Variants in RORA observed in about 807,000 individuals in gnomAD.
The protein encoded by RORA is nuclear receptor ROR-alpha.
Under a neutral mutation model 69.5 loss-of-function variants are expected in RORA, and 7 were observed. That is an observed-to-expected ratio of 0.10 (90% CI 0.06 to 0.19). The LOEUF is 0.19. Ranked by LOEUF, RORA falls within the 10% of genes least tolerant of loss-of-function variation. The pLI, the probability that RORA is intolerant of heterozygous loss-of-function variation, is 1.00. For missense variants in RORA, 457 were observed against 663.0 expected, an observed-to-expected ratio of 0.69 and a Z score of 3.41; for synonymous variants, 261 against 240.8, an observed-to-expected ratio of 1.08 and a Z score of -0.78.
In RORA at chr15:60,850,873, A is replaced by G. The variant is rs542959790; in HGVS notation, c.167-172187T>C. On this transcript the variant is annotated intron_variant, in intron 1 of 10. Coordinates refer to ENST00000335670, the MANE Select transcript of RORA (RefSeq NM_134261.3). ...TTCAATGAAAGACAAGGATAAGGCC[A>G]TTACGTGAACACAGGGACAACAACG... Among the ~76,000 whole-genome samples the G allele has an allele frequency of 3.3e-5, 5 of 152,358 alleles. No individual in the cohort carries two copies. In the South Asian group the frequency reaches 1.0e-3, roughly 32 times the overall value.
Position 60,586,589 on chromosome 15 carries a change from A to G in RORA, c.197-54738T>C, listed in dbSNP as rs145778489. 4.1e-3 allele frequency among the ~76,000 whole-genome samples: 622 copies of G among 152,326 alleles called. 16 individuals are homozygous for G. The highest frequency in any genetic ancestry group is 0.036 in the Admixed American group (550 of 15,300). ...AGGAAAGGATCAGAATTAAGGGATT[A>G]AAAGTACAAAGGAGAGAGTTATGCT... On this transcript the variant is annotated intron_variant, in intron 2 of 10. Coordinates refer to ENST00000335670, the MANE Select transcript of RORA (RefSeq NM_134261.3).
chr15:61,150,252 G>A (rs2079386357), intron 1 of RORA, among the ~76,000 whole-genome samples: 2 of 152,270 alleles, frequency 1.3e-5, no homozygotes, highest in African/African-American at 2.4e-5. Flanking sequence ...AACCATACGC[G>A]AAGCATTTAT....
chr15:60,951,161 A>AACTGAAC (rs1344329410), intron 1 of RORA, among the ~76,000 whole-genome samples: 1 of 152,222 alleles, frequency 6.6e-6, no homozygotes, highest in Non-Finnish European at 1.5e-5. Context: ...AACTACATGG[A>AACTGAAC]AACTGAACAA....
chr15:60,558,136 C>A, intron 2 of RORA: 1 of 890,844 alleles, frequency 1.1e-6, no homozygotes, highest in Non-Finnish European at 1.8e-6. Flanking sequence ...AGTGCCACAC[C>A]GGGGGAAAGG....
At chr15:60,883,048 T>C (rs2073703776) in intron 1 of RORA, among the ~76,000 whole-genome samples, 1 of 139,548 alleles carries the variant, frequency 7.2e-6, no homozygotes, top group Non-Finnish European at 1.5e-5. Context: ...GGGGAATCAC[T>C]TGAACCTGGG....
intron 2 of RORA, among the ~76,000 whole-genome samples, chr15:60,540,188 A>G (rs1397993370): frequency 6.6e-6 from 1 of 152,194 alleles, no homozygotes; most frequent in Admixed American, 6.5e-5. Flanking sequence ...CTCACTCTAG[A>G]TACCAATTCC....
chr15:60,578,060 A>G (rs1165054771), intron 2 of RORA, among the ~76,000 whole-genome samples: 3 of 152,254 alleles, frequency 2.0e-5, no homozygotes. Context: ...GTGGTACTAC[A>G]CTAAAACTCA....
chr15:60,774,590 C>T (rs2072132638), intron 1 of RORA, among the ~76,000 whole-genome samples: 1 of 152,226 alleles, frequency 6.6e-6, no homozygotes. Flanking sequence ...GGCTACCAGT[C>T]TTAGTGGTAT....
intron 1 of RORA, among the ~76,000 whole-genome samples, chr15:61,127,844 T>C (rs891270152): frequency 3.3e-5 from 5 of 152,208 alleles, no homozygotes; most frequent in African/African-American, 1.2e-4. Context: ...GTGCAGTACC[T>C]GGGCTGGCTC....
intron 1 of RORA, among the ~76,000 whole-genome samples, chr15:60,830,260 T>C (rs995015414): frequency 1.3e-5 from 2 of 152,196 alleles, no homozygotes; most frequent in African/African-American, 4.8e-5. Flanking sequence ...AAAATACAGA[T>C]CAGCTTAAGG....
intron 1 of RORA, among the ~76,000 whole-genome samples, chr15:61,011,919 G>A (rs1399353393): frequency 6.6e-6 from 1 of 152,186 alleles, no homozygotes; most frequent in Non-Finnish European, 1.5e-5. Flanking sequence ...TTTCTCCACA[G>A]CTTCCCTCAA....
At position 60,511,350 on chromosome 15, in the gene RORA, T is replaced by C; in HGVS notation, c.696A>G (p.Ser232=). The C allele has an allele frequency of 1.2e-6, 2 of 1,614,216 alleles. No individual in the cohort carries two copies. The highest frequency in any genetic ancestry group is 1.7e-6 in the Non-Finnish European group (2 of 1,180,030). Residue 232 remains serine, a synonymous_variant, in exon 5 of 11, where the codon TCA becomes TCG. Transcript: ENST00000335670. This position sits in a 1 kb window ranked among gnomAD's most constrained non-coding sequence, Gnocchi z 6.4. Reference sequence around the variant, plus strand: ...GTTTGATTCCATTGATATCAAGACCTGACTGGTCTGGGGAAGGCTGTATGT... The same window carrying C: ...GTTTGATTCCATTGATATCAAGACCCGACTGGTCTGGGGAAGGCTGTATGT... ...YLDIQPSPDQ[S]GLDINGIKPE...
chr15:60,726,374 A>G (rs1264963925), intron 1 of RORA, among the ~76,000 whole-genome samples: 2 of 152,204 alleles, frequency 1.3e-5, no homozygotes, highest in East Asian at 1.9e-4. Flanking sequence ...TCGGGATTGC[A>G]AAAACAAAGG....
At chr15:60,690,680 T>C (rs1330687811) in intron 1 of RORA, among the ~76,000 whole-genome samples, 1 of 152,190 alleles carries the variant, frequency 6.6e-6, no homozygotes, top group Non-Finnish European at 1.5e-5. Context: ...ACTAAAGAAA[T>C]TGTACCTTTC....
At chr15:60,992,899 C>T (rs1001528943) in intron 1 of RORA, among the ~76,000 whole-genome samples, 8 of 152,058 alleles carry the variant, frequency 5.3e-5, no homozygotes, top group African/African-American at 1.4e-4. Context: ...TTCCTGGATC[C>T]GCATACCAAA....
intron 1 of RORA, among the ~76,000 whole-genome samples, chr15:60,834,318 T>C (rs536376822): frequency 6.6e-6 from 1 of 152,268 alleles, no homozygotes; most frequent in Admixed American, 6.5e-5. Context: ...TAATTCATGG[T>C]AATAAAGTCT....
At chr15:61,195,218 C>T (rs913132691) in intron 1 of RORA, among the ~76,000 whole-genome samples, 1 of 152,058 alleles carries the variant, frequency 6.6e-6, no homozygotes, top group African/African-American at 2.4e-5. Context: ...ATGTTACTTA[C>T]ATTCAGCTTC....
intron 1 of RORA, among the ~76,000 whole-genome samples, chr15:60,914,663 A>T (rs1891818131): frequency 6.6e-6 from 1 of 152,218 alleles, no homozygotes. Context: ...GTGTCCCGGA[A>T]TAAATTTTCT....
At chr15:60,787,846 A>C (rs562457972) in intron 1 of RORA, among the ~76,000 whole-genome samples, 1 of 152,186 alleles carries the variant, frequency 6.6e-6, no homozygotes, top group Non-Finnish European at 1.5e-5. Context: ...GAAGTTCATC[A>C]GGCATCAGAA....
Sources: gnomAD v4.1 joint callset for allele counts (sites outside exome capture counted in the v4.1 genomes callset) on GRCh38, gnomAD v4.1.1 for gene constraint, Gnocchi (gnomAD v3.1) non-coding constraint, MANE v1.5 for transcripts, NCBI Gene and HGNC (gene_info 2026-07-23, HGNC 2026-07-21) for gene names.